TMF1: variants seen among roughly 807,000 people sequenced by gnomAD.
The protein encoded by TMF1 is TATA element modulatory factor.
A neutral mutation model predicts 126.5 loss-of-function variants in TMF1; 71 were observed. The observed-to-expected ratio is 0.56, with a 90% CI of 0.46 to 0.68. The LOEUF (loss-of-function observed/expected upper bound fraction) is 0.68, where lower values mean the gene tolerates loss of function less well. TMF1 is among the 30% of genes least tolerant of loss of function. The pLI, the probability that TMF1 is intolerant of heterozygous loss-of-function variation, is 0.00. For synonymous variants in TMF1, 461 were observed against 430.5 expected, an observed-to-expected ratio of 1.07 and a Z score of -0.88; for missense variants, 1,259 against 1,253.2, an observed-to-expected ratio of 1.00 and a Z score of -0.07.
In TMF1 at chr3:69,047,960, AG is replaced by A. The variant is rs1559635902; in HGVS notation, c.744del (p.Ser250HisfsTer13). On this transcript the variant is annotated frameshift_variant, in exon 2 of 17. Coordinates refer to ENST00000398559, the MANE Select transcript of TMF1 (RefSeq NM_007114.3). LOFTEE classifies it high-confidence loss of function. ...CTGGTGGTAGAAGTACCTGATGAAA[AG>A]GTACTAACAGGAGGAGAAGGTGTAT... ...QSNTPSPPVS[T>X]FSSGTSTTSD... is the part of the protein sequence containing the mutation. 6.2e-7 allele frequency: 1 copy of A among 1,613,738 alleles called. No individual in the cohort carries two copies. Among genetic ancestry groups the A allele is most frequent in the Non-Finnish European group, 8.5e-7 (1 of 1,180,042 alleles).
chr3:69,038,516 A>T (rs1323611259), intron 8 of TMF1, 48 bp downstream of exon 8: 7 of 1,578,064 alleles, frequency 4.4e-6, no homozygotes, highest in Non-Finnish European at 6.1e-6. Context: ...TTGTAGAAGC[A>T]TAAACAAATA....
chr3:69,040,648 C>T (rs1008719415), intron 5 of TMF1, among the ~76,000 whole-genome samples: 2 of 152,056 alleles, frequency 1.3e-5, no homozygotes, highest in South Asian at 2.1e-4. Context: ...AAATACTGGC[C>T]GGGTGCAGTG....
chr3:69,025,510 A>C (rs774937509), intron 15 of TMF1, 50 bp downstream of exon 15: 107 of 1,528,784 alleles, frequency 7.0e-5, no homozygotes, highest in Non-Finnish European at 8.5e-5. Flanking sequence ...GCTATTTATT[A>C]GGCCTCAAAA....
chr3:69,029,663 C>T lies in TMF1; in HGVS notation c.2594+152G>A, dbSNP rs910636653. 7 of 628,202 alleles carry T rather than the reference C, an allele frequency of 1.1e-5. No individual in the cohort carries two copies. The African/African-American group carries it at 1.3e-4, about 12-fold the overall frequency. 38.9% of individuals were successfully genotyped at this position (628,202 alleles called of 1,614,324 possible). A position where few individuals can be genotyped will look rare whatever the true frequency, so the allele number is the denominator to read the frequency against. ...GCCATGTTGGCCAGGCTGGTCTCCA[C>T]CTCCTGACCTCAAGTGATCCGCCCG... is the stretch of plus-strand genomic sequence containing the variant. On this transcript the variant is annotated intron_variant, in intron 11 of 16. Coordinates refer to ENST00000398559, the MANE Select transcript of TMF1 (RefSeq NM_007114.3).
intron 4 of TMF1, 53 bp from the exon 5 acceptor site, chr3:69,042,965 A>T: frequency 7.8e-7 from 1 of 1,278,194 alleles, no homozygotes; most frequent in Non-Finnish European, 1.1e-6. Context: ...CACTCTAAGT[A>T]CAGTTCTCAT....
intron 10 of TMF1, among the ~76,000 whole-genome samples, chr3:69,031,645 A>G (rs796860322): frequency 2.6e-4 from 40 of 152,354 alleles, no homozygotes; most frequent in African/African-American, 9.1e-4. Flanking sequence ...TTTCAATTGA[A>G]AAAAAGAGCA....
intron 10 of TMF1, among the ~76,000 whole-genome samples, chr3:69,032,178 T>C (rs796823115): frequency 3.0e-4 from 46 of 152,304 alleles, no homozygotes; most frequent in African/African-American, 1.1e-3. Flanking sequence ...CTCTTATTTA[T>C]CAAGCTTCCC....
At chr3:69,029,132 C>T (rs576853135) in intron 11 of TMF1, among the ~76,000 whole-genome samples, 1 of 151,706 alleles carries the variant, frequency 6.6e-6, no homozygotes, top group Admixed American at 6.6e-5. Flanking sequence ...CTCCCAGGTT[C>T]AAGCAATTCT....
At position 69,021,829 on chromosome 3, in the gene TMF1, C is replaced by T. The variant is rs2091739693; in HGVS notation, c.*1348G>A. 1 of 152,068 alleles carries T rather than the reference C, an allele frequency of 6.6e-6. No individual in the cohort carries two copies. Among genetic ancestry groups the T allele is most frequent in the African/African-American group, 2.4e-5 (1 of 41,360 alleles). The allele number at this position is 152,068 out of a possible 1,614,324, so 9.4% of individuals were successfully genotyped here. The stretch of plus-strand genomic sequence containing the variant: ...CCGAGTAGCTAGGATTACAGGCGCA[C>T]ACCACCACGCCAGGCTAATTTTTGT... On this transcript the variant is annotated 3_prime_UTR_variant, in exon 17 of 17. Transcript: ENST00000398559.
At position 69,020,792 on chromosome 3, in the gene TMF1, T is replaced by C. The variant is rs1316895297; in HGVS notation, c.*2385A>G. 4 of 152,206 alleles carry C rather than the reference T, an allele frequency of 2.6e-5. No individual in the cohort carries two copies. Among genetic ancestry groups the C allele is most frequent in the African/African-American group, 9.6e-5 (4 of 41,456 alleles). 9.4% of individuals were successfully genotyped at this position (152,206 alleles called of 1,614,324 possible). On this transcript the variant is annotated 3_prime_UTR_variant, in exon 17 of 17. Transcript: ENST00000398559. Reference sequence around the variant, plus strand: ...AGAGTAATATATGGTAATATGTAACTAGAAACTATGTAACTAGAAATTGTT... The same window carrying C: ...AGAGTAATATATGGTAATATGTAACCAGAAACTATGTAACTAGAAATTGTT...
chr3:69,048,762 T>C (rs892149261), intron 1 of TMF1, 200 bp from the exon 2 acceptor site: 12 of 481,056 alleles, frequency 2.5e-5, no homozygotes, highest in Non-Finnish European at 3.9e-5. Context: ...AGAAAACTGG[T>C]GTGGGTCCAC....
intron 13 of TMF1, 152 bp from the exon 14 acceptor site, chr3:69,026,249 A>G (rs771727208): frequency 9.5e-6 from 5 of 528,628 alleles, no homozygotes; most frequent in Non-Finnish European, 1.3e-5. Context: ...AGAAGAAAAA[A>G]AACTTTTTTA....
At chr3:69,039,075 C>G in intron 6 of TMF1, 66 bp from the exon 7 acceptor site, 2 of 1,204,774 alleles carry the variant, frequency 1.7e-6, no homozygotes, top group Admixed American at 2.7e-5. Flanking sequence ...TAACTGTATT[C>G]CAGGAATCTA....
chr3:69,042,443 C>T, intron 5 of TMF1: 2 of 464,150 alleles, frequency 4.3e-6, no homozygotes, highest in Admixed American at 2.3e-5. Context: ...CAATATCATA[C>T]AGTACTTAAG....
At position 69,048,666 on chromosome 3, in the gene TMF1, T is replaced by C. The variant is rs993288141; in HGVS notation, c.143-104A>G. The C allele has an allele frequency of 5.5e-6, 6 of 1,083,670 alleles. No homozygotes were observed. The African/African-American group carries it at 6.4e-5, about 12-fold the overall frequency. The allele number at this position is 1,083,670 out of a possible 1,614,324, so 67.1% of individuals were successfully genotyped here. On this transcript the variant is annotated intron_variant, in intron 1 of 16. Transcript: ENST00000398559. ...AAATATAAATTTAGAAAAAATACCC[T>C]ATGAAATACCTGTAATTTGCACCTG...
In TMF1 at chr3:69,026,067, G is replaced by C. The variant is rs1464272042; in HGVS notation, c.2788C>G (p.Pro930Ala). 2 of 1,614,068 alleles carry C rather than the reference G, an allele frequency of 1.2e-6. No individual in the cohort carries two copies. The highest frequency in any genetic ancestry group is 4.5e-5 in the East Asian group (2 of 44,862). ...ATTGAACTTGAGCGTGACATGGTGGGAGTGCTAGAAACAGAAAATGGCTTG... is the reference window on the plus strand; with the variant it reads ...ATTGAACTTGAGCGTGACATGGTGGCAGTGCTAGAAACAGAAAATGGCTTG... ...ERKPFSVSSTPTMSRSSSISG... is the reference protein window; with the variant it reads ...ERKPFSVSSTATMSRSSSISG... The change falls in exon 14 of 17, where the codon CCC becomes GCC. Residue 930 changes from proline to alanine, a missense_variant. Pro to Ala is a conservative substitution (Grantham distance 27, BLOSUM62 -1). Coordinates refer to ENST00000398559, the MANE Select transcript of TMF1 (RefSeq NM_007114.3).
At chr3:69,046,785 TAGG>T (rs892487298) in intron 2 of TMF1, among the ~76,000 whole-genome samples, 1 of 152,092 alleles carries the variant, frequency 6.6e-6, no homozygotes, top group Admixed American at 6.6e-5. Flanking sequence ...TAGCTATCAA[TAGG>T]AGATCTCAAA....
chr3:69,033,016 A>G lies in TMF1; in HGVS notation c.2401+532T>C, dbSNP rs796195640. Among the ~76,000 whole-genome samples, 16 of 152,274 alleles carry G rather than the reference A, an allele frequency of 1.1e-4. 1 individual carries two copies. The highest frequency in any genetic ancestry group is 3.9e-4 in the African/African-American group (16 of 41,550). On this transcript the variant is annotated intron_variant, in intron 10 of 16. Transcript: ENST00000398559. ...GAATTCTACCAGTGATGAGAATCAT[A>G]TATGATCTCTACCTCCTACACTACT... is the stretch of plus-strand genomic sequence containing the variant.
chr3:69,041,391 C>G (rs186775089), intron 5 of TMF1, among the ~76,000 whole-genome samples: 1 of 152,102 alleles, frequency 6.6e-6, no homozygotes, highest in Admixed American at 6.6e-5. Flanking sequence ...ACATACTAAC[C>G]GTTCAATAAA....
Sources: allele counts gnomAD v4.1 joint callset (sites outside exome capture counted in the v4.1 genomes callset), GRCh38; gene constraint gnomAD v4.1.1; transcripts MANE v1.5; gene names NCBI Gene and HGNC (gene_info 2026-07-23, HGNC 2026-07-21).